SLC25A33: variants seen among roughly 807,000 people sequenced by gnomAD.
The protein encoded by SLC25A33 is bone marrow stromal cell mitochondrial carrier protein.
SLC25A33 carries 15 observed loss-of-function variants against 35.5 expected under a neutral mutation model. The ratio of observed to expected loss-of-function variants is 0.42; its 90% CI spans 0.28 to 0.65. The LOEUF (loss-of-function observed/expected upper bound fraction) is 0.65, where lower values mean the gene tolerates loss of function less well. Among genes scored for constraint, SLC25A33 ranks in the 30% least tolerant of loss-of-function variants. The probability of loss-of-function intolerance (pLI) is 0.20; values close to 1 mark genes in which losing one functional copy is unlikely to be tolerated. For missense variants in SLC25A33, 257 were observed against 398.5 expected, an observed-to-expected ratio of 0.64 and a Z score of 3.02; for synonymous variants, 136 against 148.7, an observed-to-expected ratio of 0.91 and a Z score of 0.62.
At position 9,567,274 on chromosome 1, in the gene SLC25A33, T is replaced by G; in HGVS notation, c.237-10T>G. 1 of 1,613,336 alleles carries G rather than the reference T, an allele frequency of 6.2e-7. No individual in the cohort carries two copies. The highest frequency in any genetic ancestry group is 8.5e-7 in the Non-Finnish European group (1 of 1,179,654). On this transcript the variant is annotated splice_polypyrimidine_tract_variant and intron_variant, in intron 2 of 6. Coordinates refer to ENST00000302692, the MANE Select transcript of SLC25A33 (RefSeq NM_032315.3). ...GGGGTTTTAAAGGTTTGTCTTTTCT[T>G]ATTATTCAGGTCGATCTTGGAGAAA...
chr1:9,563,256 A>G (rs28585485), intron 2 of SLC25A33, among the ~76,000 whole-genome samples: 1 of 152,186 alleles, frequency 6.6e-6, no homozygotes, highest in Non-Finnish European at 1.5e-5. Flanking sequence ...AGATCATGCC[A>G]TCTGTGAATA....
At chr1:9,567,492 T>C in intron 3 of SLC25A33, 131 bp downstream of exon 3, 1 of 714,522 alleles carries the variant, frequency 1.4e-6, no homozygotes, top group Non-Finnish European at 2.3e-6. Context: ...ATAGCGGACA[T>C]AGCAAATAGT....
Position 9,539,743 on chromosome 1 carries a change from G to A in SLC25A33, c.52G>A (p.Gly18Ser). Residue 18 changes from glycine (G) to serine (S), a missense_variant, in exon 1 of 7, where the codon GGC (glycine) becomes AGC (serine). By Grantham distance (56) the Gly-to-Ser change is moderately conservative. Coordinates refer to ENST00000302692, the MANE Select transcript of SLC25A33 (RefSeq NM_032315.3). ...KENTLLHLFA[G>S]GCGGTVGAIF... ...GAACACGCTGCTTCACCTCTTCGCCGGCGGGTGAGTTCCCGGGCCCAGCCG... is the reference window on the plus strand; with the variant it reads ...GAACACGCTGCTTCACCTCTTCGCCAGCGGGTGAGTTCCCGGGCCCAGCCG... 7.1e-7 allele frequency: 1 copy of A among 1,403,764 alleles called. No individual in the cohort carries two copies. The highest frequency in any genetic ancestry group is 9.3e-7 in the Non-Finnish European group (1 of 1,076,650). 87.0% of individuals were successfully genotyped at this position (1,403,764 alleles called of 1,614,324 possible).
At chr1:9,549,545 G>C (rs1256114327) in intron 1 of SLC25A33, among the ~76,000 whole-genome samples, 2 of 151,850 alleles carry the variant, frequency 1.3e-5, no homozygotes, top group Non-Finnish European at 2.9e-5. Flanking sequence ...GGAGTTCCCA[G>C]TGTTGGGGCT....
intron 2 of SLC25A33, among the ~76,000 whole-genome samples, chr1:9,560,001 C>T (rs1190885945): frequency 6.6e-6 from 1 of 152,134 alleles, no homozygotes; most frequent in African/African-American, 2.4e-5. Flanking sequence ...CTTGTAATCC[C>T]AGCACTTTGG....
intron 5 of SLC25A33, chr1:9,576,908 A>G (rs1643668353): frequency 2.3e-6 from 3 of 1,299,946 alleles, no homozygotes; most frequent in Admixed American, 1.7e-5. Flanking sequence ...GCAAGCCACA[A>G]CAGTTAAGGA....
chr1:9,559,696 T>A (rs1643393724), intron 2 of SLC25A33, among the ~76,000 whole-genome samples: 2 of 152,220 alleles, frequency 1.3e-5, no homozygotes, highest in South Asian at 4.1e-4. Flanking sequence ...CTTAGGAAGC[T>A]TTAGGGGGGC....
rs554074432 is a variant in SLC25A33, at chr1:9,571,935, C to T, written c.416-1411C>T. Among the ~76,000 whole-genome samples, 6 of 152,114 alleles carry T rather than the reference C, an allele frequency of 3.9e-5. No homozygotes were observed. In the South Asian group the frequency reaches 8.3e-4, roughly 21 times the overall value. ...GGATCGCAGGCATAAGCCACCACGC[C>T]GAGCCTAGAAAGATATTTTAGAGAA... On this transcript the variant is annotated intron_variant, in intron 4 of 6. Coordinates refer to ENST00000302692, the MANE Select transcript of SLC25A33 (RefSeq NM_032315.3).
Position 9,567,265 on chromosome 1 carries a change from G to C in SLC25A33, c.237-19G>C, listed in dbSNP as rs750021556. ...CTTGCCTGAGGGGTTTTAAAGGTTT[G>C]TCTTTTCTTATTATTCAGGTCGATC... On this transcript the variant is annotated intron_variant, in intron 2 of 6. Transcript: ENST00000302692. 11 of 1,611,296 alleles carry C rather than the reference G, an allele frequency of 6.8e-6. 1 individual carries two copies. In the South Asian group the frequency reaches 1.2e-4, roughly 18 times the overall value.
At chr1:9,553,889 T>C in intron 2 of SLC25A33, 84 bp downstream of exon 2, 1 of 1,395,388 alleles carries the variant, frequency 7.2e-7, no homozygotes, top group Non-Finnish European at 9.8e-7. Context: ...GCTTATCAAA[T>C]GTGATGTTCT....
intron 1 of SLC25A33, among the ~76,000 whole-genome samples, chr1:9,544,258 T>C (rs1238963189): frequency 6.6e-6 from 1 of 151,722 alleles, no homozygotes; most frequent in African/African-American, 2.4e-5. Flanking sequence ...TATCAGCTAA[T>C]GGTTAGTTTT....
chr1:9,547,316 T>C (rs1643188333), intron 1 of SLC25A33, among the ~76,000 whole-genome samples: 1 of 152,136 alleles, frequency 6.6e-6, no homozygotes, highest in South Asian at 2.1e-4. Context: ...TAGCCAAGCA[T>C]TGTGGCACAC....
chr1:9,541,909 C>T (rs932025948), intron 1 of SLC25A33, among the ~76,000 whole-genome samples: 1 of 151,952 alleles, frequency 6.6e-6, no homozygotes, highest in African/African-American at 2.4e-5. Flanking sequence ...ACGCCATTCT[C>T]CCGCCTCAGC....
intron 2 of SLC25A33, among the ~76,000 whole-genome samples, chr1:9,564,776 T>A (rs1643479967): frequency 1.7e-5 from 2 of 119,650 alleles, no homozygotes; most frequent in Admixed American, 1.6e-4. Context: ...ACACAAAAAT[T>A]AGCTGAGCGT....
intron 1 of SLC25A33, among the ~76,000 whole-genome samples, chr1:9,551,888 G>T (rs1194156444): frequency 6.6e-6 from 1 of 152,140 alleles, no homozygotes; most frequent in Non-Finnish European, 1.5e-5. Context: ...CCAGAGTGAG[G>T]CCTGTGTCAT....
chr1:9,548,914 C>T (rs982113373), intron 1 of SLC25A33, among the ~76,000 whole-genome samples: 1 of 152,152 alleles, frequency 6.6e-6, no homozygotes, highest in Admixed American at 6.6e-5. Context: ...ACCAGACTGT[C>T]TATGAGAGAA....
intron 1 of SLC25A33, among the ~76,000 whole-genome samples, 158 bp from the exon 2 acceptor site, chr1:9,553,468 C>G (rs920514097): frequency 6.6e-6 from 1 of 151,840 alleles, no homozygotes; most frequent in African/African-American, 2.4e-5. Flanking sequence ...CTGCTGACCT[C>G]GTGATCCACC....
At chr1:9,539,849 C>T in intron 1 of SLC25A33, 102 bp downstream of exon 1, 1 of 1,109,282 alleles carries the variant, frequency 9.0e-7, no homozygotes, top group South Asian at 3.5e-5. Context: ...CCGGCCTTCC[C>T]CGGGCTACGG....
At chr1:9,566,777 C>T (rs764437661) in intron 2 of SLC25A33, among the ~76,000 whole-genome samples, 3 of 152,046 alleles carry the variant, frequency 2.0e-5, no homozygotes, top group African/African-American at 4.8e-5. Flanking sequence ...ACCTGGGGGG[C>T]GGAAGTTGCA....
Sources: allele counts gnomAD v4.1 joint callset (sites outside exome capture counted in the v4.1 genomes callset), GRCh38; gene constraint gnomAD v4.1.1; transcripts MANE v1.5; gene names NCBI Gene and HGNC (gene_info 2026-07-23, HGNC 2026-07-21).